Variants in SORCS2 observed in about 807,000 individuals in gnomAD.
SORCS2 encodes sortilin related VPS10 domain containing receptor 2.
SORCS2 carries 100 observed loss-of-function variants against 141.6 expected under a neutral mutation model. That is an observed-to-expected ratio of 0.71 (90% CI 0.60 to 0.83). The LOEUF (loss-of-function observed/expected upper bound fraction) is 0.83. SORCS2 is among the 40% of genes least tolerant of loss of function. SORCS2 has a pLI of 0.00. For missense variants in SORCS2, 1,646 were observed against 1,560.2 expected (o/e 1.05, Z -0.93); for synonymous variants, 789 against 676.9 (o/e 1.17, Z -2.57).
intron 3 of SORCS2, among the ~76,000 whole-genome samples, chr4:7,543,817 CATCT>C (rs1712972676): frequency 1.4e-4 from 3 of 21,578 alleles, no homozygotes; most frequent in Non-Finnish European, 6.3e-4. Flanking sequence ...TCCATCCATC[CATCT>C]ACCCATCTGT....
intron 2 of SORCS2, among the ~76,000 whole-genome samples, chr4:7,467,111 C>T (rs373499232): frequency 6.6e-6 from 1 of 152,156 alleles, no homozygotes; most frequent in East Asian, 1.9e-4. Flanking sequence ...TCCAGCCTGG[C>T]GTCCCCCCAG....
chr4:7,323,639 G>C (rs1377752924), intron 1 of SORCS2, among the ~76,000 whole-genome samples: 1 of 152,116 alleles, frequency 6.6e-6, no homozygotes, highest in East Asian at 1.9e-4. Context: ...TTCAGTCACA[G>C]GCAGGCCCAC....
At chr4:7,601,616 C>CAAAAAAAAAA (rs1168678841) in intron 3 of SORCS2, among the ~76,000 whole-genome samples, 1 of 45,632 alleles carries the variant, frequency 2.2e-5, no homozygotes, top group African/African-American at 7.7e-5. Context: ...AAGACTCTCT[C>CAAAAAAAAAA]AAAAAAAAAA....
At chr4:7,454,354 G>C (rs1406878457) in intron 2 of SORCS2, among the ~76,000 whole-genome samples, 3 of 134,232 alleles carry the variant, frequency 2.2e-5, no homozygotes, top group Admixed American at 7.2e-5. Context: ...CAGGCACTGT[G>C]TTGGGGTCAG....
intron 1 of SORCS2, among the ~76,000 whole-genome samples, chr4:7,362,544 A>C (rs1197204254): frequency 6.6e-6 from 1 of 152,142 alleles, no homozygotes; most frequent in Non-Finnish European, 1.5e-5. Context: ...TGCCCAGGCT[A>C]CTGGACAAAT....
At chr4:7,245,895 A>C (rs1713047371) in intron 1 of SORCS2, among the ~76,000 whole-genome samples, 1 of 152,200 alleles carries the variant, frequency 6.6e-6, no homozygotes, top group East Asian at 1.9e-4. Context: ...TGACTTGTTC[A>C]GGGTTGCCCA....
chr4:7,366,356 G>A (rs562033167), intron 1 of SORCS2, among the ~76,000 whole-genome samples: 42 of 152,108 alleles, frequency 2.8e-4, no homozygotes, highest in African/African-American at 9.4e-4. Context: ...CTGCAGCAGG[G>A]TCGAGTTCCC....
intron 2 of SORCS2, among the ~76,000 whole-genome samples, chr4:7,409,136 T>G (rs1346488021): frequency 6.6e-6 from 1 of 152,264 alleles, no homozygotes; most frequent in Non-Finnish European, 1.5e-5. Context: ...TTCTTGTAGA[T>G]GTATGTCAGT....
At chr4:7,561,827 C>T (rs1325279410) in intron 3 of SORCS2, among the ~76,000 whole-genome samples, 1 of 151,964 alleles carries the variant, frequency 6.6e-6, no homozygotes, top group African/African-American at 2.4e-5. Context: ...ATTCATCTGC[C>T]CATCCATCCT....
At chr4:7,726,146 T>A (rs1180771795) in intron 20 of SORCS2, among the ~76,000 whole-genome samples, 1 of 152,166 alleles carries the variant, frequency 6.6e-6, no homozygotes, top group Non-Finnish European at 1.5e-5. Context: ...ACTGGCTTGG[T>A]GCCATGGATG....
At chr4:7,683,684 C>T (rs1723704334) in intron 10 of SORCS2, among the ~76,000 whole-genome samples, 1 of 152,186 alleles carries the variant, frequency 6.6e-6, no homozygotes, top group Non-Finnish European at 1.5e-5. Flanking sequence ...TCTAATCTGC[C>T]ATGGAGGGCA....
At chr4:7,210,966 G>A (rs1056488315) in intron 1 of SORCS2, among the ~76,000 whole-genome samples, 8 of 152,354 alleles carry the variant, frequency 5.3e-5, no homozygotes, top group Admixed American at 4.6e-4. Context: ...GGAGTGGAAC[G>A]GTGACCTGGC....
At position 7,233,971 on chromosome 4, in the gene SORCS2, G is replaced by C. The variant is rs1400844197; in HGVS notation, c.480+40845G>C. ...GGAGCAAGATGGAAAGGGGGTGGGG[G>C]AGGACCGTATCCCCGAGCCTCTCCA... On this transcript the variant is annotated intron_variant, in intron 1 of 26. Transcript: ENST00000507866. The surrounding 1 kb of genome is among the most constrained non-coding windows in gnomAD (Gnocchi z 4.5). 2.6e-5 allele frequency among the ~76,000 whole-genome samples: 4 copies of C among 152,154 alleles called. No homozygotes were observed. The highest frequency in any genetic ancestry group is 4.4e-5 in the Non-Finnish European group (3 of 68,034).
At chr4:7,608,510 C>A (rs1391554950) in intron 3 of SORCS2, among the ~76,000 whole-genome samples, 1 of 152,256 alleles carries the variant, frequency 6.6e-6, no homozygotes, top group East Asian at 1.9e-4. Context: ...TGAAAAATAT[C>A]AGTTCAGCAG....
At chr4:7,654,526 GC>G (rs1428224872) in intron 5 of SORCS2, among the ~76,000 whole-genome samples, 1 of 152,182 alleles carries the variant, frequency 6.6e-6, no homozygotes, top group Non-Finnish European at 1.5e-5. Flanking sequence ...CCCTCCCCGA[GC>G]CTCACAGCAT....
rs998426669 is a variant in SORCS2, at chr4:7,490,849, G to C, written c.549-40681G>C. On this transcript the variant is annotated intron_variant, in intron 2 of 26. Coordinates refer to ENST00000507866, the MANE Select transcript of SORCS2 (RefSeq NM_020777.3). ...ACTCCTCCCAGGCCTGCTTCTCCCT[G>C]GGCACTGCCCTGCTTCCTCTGTGCC... Among the ~76,000 whole-genome samples the C allele has an allele frequency of 6.6e-5, 10 of 152,206 alleles. No homozygotes were observed. The South Asian group carries it at 2.1e-3, about 32-fold the overall frequency.
intron 6 of SORCS2, among the ~76,000 whole-genome samples, chr4:7,661,790 T>G (rs1722191157): frequency 6.6e-6 from 1 of 152,200 alleles, no homozygotes; most frequent in Non-Finnish European, 1.5e-5. Context: ...GGGGGCGATT[T>G]GTTCTGGCTC....
intron 1 of SORCS2, among the ~76,000 whole-genome samples, chr4:7,243,919 C>T (rs756349479): frequency 1.8e-4 from 27 of 151,404 alleles, no homozygotes; most frequent in Non-Finnish European, 3.2e-4. Flanking sequence ...AGGCCTGGCC[C>T]GATGGTGGGA....
intron 14 of SORCS2, among the ~76,000 whole-genome samples, chr4:7,710,266 A>C (rs1030337601): frequency 2.0e-5 from 3 of 152,132 alleles, no homozygotes; most frequent in Non-Finnish European, 2.9e-5. Flanking sequence ...CCGCCCCTCC[A>C]GGAGGTGGCC....
Sources: allele counts gnomAD v4.1 joint callset (sites outside exome capture counted in the v4.1 genomes callset), GRCh38; gene constraint gnomAD v4.1.1; non-coding constraint Gnocchi (gnomAD v3.1); transcripts MANE v1.5; gene names NCBI Gene and HGNC (gene_info 2026-07-23, HGNC 2026-07-21).